The following FMN2 variants were observed in gnomAD, a reference collection of about 807,000 sequenced individuals.
FMN2 encodes the protein formin-2.
Under a neutral mutation model 142.3 loss-of-function variants are expected in FMN2, and 51 were observed. That is an observed-to-expected ratio of 0.36 (90% confidence interval 0.29 to 0.45). The LOEUF (loss-of-function observed/expected upper bound fraction) is 0.45, where lower values mean the gene tolerates loss of function less well. Among genes scored for constraint, FMN2 ranks in the 20% least tolerant of loss-of-function variants. FMN2 has a pLI of 1.00. For missense variants in FMN2, 1,936 were observed against 2,122.8 expected (o/e 0.91, Z 1.73); for synonymous variants, 882 against 869.8 (o/e 1.01, Z -0.25).
chr1:240,352,623 A>G (rs967334696), intron 13 of FMN2, among the ~76,000 whole-genome samples: 4 of 152,244 alleles, frequency 2.6e-5, no homozygotes, highest in South Asian at 2.1e-4. Context: ...GACTTTTGGG[A>G]ACACTGTGTC....
chr1:240,262,869 T>A (rs1306299388), intron 7 of FMN2, among the ~76,000 whole-genome samples: 1 of 151,280 alleles, frequency 6.6e-6, no homozygotes, highest in East Asian at 2.0e-4. Context: ...CAAGCAATTC[T>A]TATCCCTCAG....
At chr1:240,328,297 C>CT (rs929922740) in intron 8 of FMN2, among the ~76,000 whole-genome samples, 2 of 150,894 alleles carry the variant, frequency 1.3e-5, no homozygotes, top group East Asian at 2.0e-4. Flanking sequence ...TAAATAAATA[C>CT]TTTTTTTCTT....
At chr1:240,101,056 A>G (rs554677402) in intron 1 of FMN2, among the ~76,000 whole-genome samples, 9 of 152,138 alleles carry the variant, frequency 5.9e-5, no homozygotes, top group Non-Finnish European at 1.2e-4. Context: ...TGTTTCAGTA[A>G]GCTAGTGTCA....
At chr1:240,237,419 T>G (rs1346027841) in intron 6 of FMN2, among the ~76,000 whole-genome samples, 1 of 152,168 alleles carries the variant, frequency 6.6e-6, no homozygotes, top group East Asian at 1.9e-4. Flanking sequence ...AGTGTCAAGG[T>G]CTTGTCCGTT....
intron 15 of FMN2, among the ~76,000 whole-genome samples, chr1:240,395,765 T>C (rs1320719821): frequency 1.3e-5 from 2 of 152,200 alleles, no homozygotes; most frequent in Non-Finnish European, 2.9e-5. Context: ...AAGTAGTTTC[T>C]TGAGGTGGAA....
In FMN2 at chr1:240,180,565, C is replaced by CCTTT. The variant is rs201788923; in HGVS notation, c.1930+2498_1930+2501dup. On this transcript the variant is annotated intron_variant, in intron 3 of 17. Transcript: ENST00000319653. ...AATCCACTGTATATAACACATGACC[C>CCTTT]CTTTTTTTTTTTTTTTTTTTTAATG... 7.4e-5 allele frequency among the ~76,000 whole-genome samples: 8 copies of CCTTT among 108,108 alleles called. 1 individual carries two copies. The highest frequency in any genetic ancestry group is 9.6e-5 in the Non-Finnish European group (5 of 52,242). 70.9% of individuals were successfully genotyped at this position (108,108 alleles called of 152,430 possible). A position where few individuals can be genotyped will look rare whatever the true frequency, so the allele number is the denominator to read the frequency against.
intron 13 of FMN2, among the ~76,000 whole-genome samples, chr1:240,350,369 A>T (rs1672056556): frequency 6.6e-6 from 1 of 152,192 alleles, no homozygotes; most frequent in East Asian, 1.9e-4. Flanking sequence ...CTTGGCCTTG[A>T]TTATGGGCAT....
intron 1 of FMN2, among the ~76,000 whole-genome samples, chr1:240,096,055 T>A (rs1661185843): frequency 2.0e-5 from 3 of 152,126 alleles, no homozygotes. Context: ...TCAGTAGGTT[T>A]TACCTAACTT....
intron 1 of FMN2, among the ~76,000 whole-genome samples, chr1:240,116,940 C>T (rs1251920897): frequency 1.1e-4 from 17 of 150,550 alleles, no homozygotes; most frequent in East Asian, 7.8e-4. Context: ...TAGCTGGGAG[C>T]GGAGAGTGAT....
rs2103019199 is a variant in FMN2, at chr1:240,334,222, C to T, written c.4758C>T (p.Asp1586=). ...AAGATCTCAGAAAACTGAAGAAAGA[C>T]TTGAAAGGTAACTTAAAATCCTGAA... is the stretch of plus-strand genomic sequence containing the variant. The part of the protein sequence containing the change: ...FQKDLRKLKK[D]LKACEVEAGK... Residue 1586 remains aspartate (D), a synonymous_variant, in exon 13 of 18, where the codon GAC becomes GAT. Transcript: ENST00000319653. The T allele has an allele frequency of 3.1e-6, 5 of 1,594,402 alleles. No homozygotes were observed. In the African/African-American group the frequency reaches 6.8e-5, roughly 22 times the overall value.
rs375268939 is a variant in FMN2 at position 240,170,007 on chromosome 1, G to A, written c.1783-7914G>A. The A allele has an allele frequency of 1.7e-5, 9 of 539,846 alleles. No homozygotes were observed. In the African/African-American group the frequency reaches 1.7e-4, roughly 10 times the overall value. The allele number at this position is 539,846 out of a possible 1,614,324, so 33.4% of individuals were successfully genotyped here. On this transcript the variant is annotated intron_variant, in intron 2 of 17. Coordinates refer to ENST00000319653, the MANE Select transcript of FMN2 (RefSeq NM_020066.5). ...TGCTGATAGTTTCTTATTAAGAGAGGAACTTAAACTCAGATTAATTCCCAC... is the reference window on the plus strand; with the variant it reads ...TGCTGATAGTTTCTTATTAAGAGAGAAACTTAAACTCAGATTAATTCCCAC...
intron 6 of FMN2, among the ~76,000 whole-genome samples, chr1:240,215,022 G>A (rs1666841036): frequency 6.6e-6 from 1 of 152,042 alleles, no homozygotes; most frequent in African/African-American, 2.4e-5. Context: ...AGTTGTGAGA[G>A]TACCACTGCA....
At chr1:240,436,596 G>A (rs901818728) in intron 15 of FMN2, among the ~76,000 whole-genome samples, 1 of 151,290 alleles carries the variant, frequency 6.6e-6, no homozygotes, top group Non-Finnish European at 1.5e-5. Context: ...AGAATCGCTT[G>A]TACCCGGGAA....
intron 7 of FMN2, among the ~76,000 whole-genome samples, chr1:240,275,734 A>G (rs1011756206): frequency 2.6e-5 from 4 of 152,112 alleles, no homozygotes; most frequent in African/African-American, 9.7e-5. Context: ...CCTTTTCTCC[A>G]CATCCTCTCC....
At chr1:240,109,675 C>A (rs1001994557) in intron 1 of FMN2, among the ~76,000 whole-genome samples, 1 of 151,858 alleles carries the variant, frequency 6.6e-6, no homozygotes, top group South Asian at 2.1e-4. Context: ...TTGATGCATT[C>A]GTATTACTTG....
intron 2 of FMN2, among the ~76,000 whole-genome samples, chr1:240,159,996 C>CAT (rs1312582973): frequency 6.8e-6 from 1 of 146,252 alleles, no homozygotes; most frequent in Admixed American, 6.9e-5. Context: ...CACACACACA[C>CAT]ACATACACAC....
At chr1:240,318,044 G>A (rs192520898) in intron 8 of FMN2, among the ~76,000 whole-genome samples, 2 of 152,294 alleles carry the variant, frequency 1.3e-5, no homozygotes, top group Admixed American at 6.5e-5. Flanking sequence ...TCTCTCTGGC[G>A]ATATGTCTGT....
At chr1:240,367,534 C>T (rs960670427) in intron 14 of FMN2, among the ~76,000 whole-genome samples, 10 of 151,958 alleles carry the variant, frequency 6.6e-5, no homozygotes, top group African/African-American at 2.4e-4. Context: ...CTTTGGAGGC[C>T]AAGGTGGGTG....
rs143433374 is a variant in FMN2 at position 240,294,996 on chromosome 1, G to A, written c.4215+113G>A. 4.0e-3 allele frequency: 3,538 copies of A among 893,476 alleles called. 8 individuals are homozygous for A. The highest frequency in any genetic ancestry group is 5.0e-3 in the Non-Finnish European group (2,959 of 594,306). The allele number at this position is 893,476 out of a possible 1,614,324, so 55.3% of individuals were successfully genotyped here. A position where few individuals can be genotyped will look rare whatever the true frequency, so the allele number is the denominator to read the frequency against. On this transcript the variant is annotated intron_variant, in intron 8 of 17. Coordinates refer to ENST00000319653, the MANE Select transcript of FMN2 (RefSeq NM_020066.5). ...TCCTCTAAAGAAATTTGATCCGAGT[G>A]TAGTGAATTTGCCTAAGTAGGTGTT... is the stretch of plus-strand genomic sequence containing the variant.
Sources: allele counts gnomAD v4.1 joint callset (sites outside exome capture counted in the v4.1 genomes callset), GRCh38; gene constraint gnomAD v4.1.1; transcripts MANE v1.5; gene names NCBI Gene and HGNC (gene_info 2026-07-23, HGNC 2026-07-21).